Variants in CPVL observed in about 807,000 individuals in gnomAD.
CPVL encodes carboxypeptidase vitellogenic like.
A neutral mutation model predicts 63.7 loss-of-function variants in CPVL; 51 were observed. The ratio of observed to expected loss-of-function variants is 0.80; its 90% confidence interval spans 0.64 to 1.01. The LOEUF is 1.01. Ranked by LOEUF, CPVL falls within the 50% of genes least tolerant of loss-of-function variation. The pLI, the probability that CPVL is intolerant of heterozygous loss-of-function variation, is 0.00. For synonymous variants in CPVL, 195 were observed against 206.0 expected, an observed-to-expected ratio of 0.95 and a Z score of 0.46; for missense variants, 530 against 573.1, an observed-to-expected ratio of 0.92 and a Z score of 0.77.
intron 12 of CPVL, among the ~76,000 whole-genome samples, chr7:29,030,252 C>G (rs1448290739): frequency 6.6e-6 from 1 of 152,128 alleles, no homozygotes; most frequent in Non-Finnish European, 1.5e-5. Context: ...GTTGAAACTT[C>G]CTTTATAATT....
In CPVL at chr7:29,108,259, T is replaced by C. The variant is rs1584284221; in HGVS notation, c.288+4445A>G. On this transcript the variant is annotated intron_variant, in intron 3 of 12. Coordinates refer to ENST00000265394, the MANE Select transcript of CPVL (RefSeq NM_031311.5). The stretch of plus-strand genomic sequence containing the variant: ...CTAAATGCCCCAGGTTTTGGCTCCA[T>C]GGCATTTGAGGTAACTGATCTGCAG... 5.9e-5 allele frequency among the ~76,000 whole-genome samples: 9 copies of C among 152,366 alleles called. No homozygotes were observed. In the South Asian group the frequency reaches 1.7e-3, roughly 28 times the overall value.
intron 5 of CPVL, among the ~76,000 whole-genome samples, chr7:29,160,743 A>G (rs1451909237): frequency 6.6e-6 from 1 of 152,196 alleles, no homozygotes; most frequent in East Asian, 1.9e-4. Context: ...TGAGGCAGAG[A>G]GGAAGGGCTA....
intron 7 of CPVL, chr7:29,081,266 T>C (rs1253800802): frequency 1.3e-5 from 2 of 152,268 alleles, no homozygotes; most frequent in Non-Finnish European, 2.9e-5. Flanking sequence ...TAAACACAGC[T>C]TATTTCTCTT....
chr7:29,082,365 T>C lies in CPVL; in HGVS notation c.609+4119A>G, dbSNP rs191954337. Reference sequence around the variant, plus strand: ...GGGAGGCTGAAAGACTTTTCTGAAATCATCCAGGGAGGAGCAAAGCCAGCC... The same window carrying C: ...GGGAGGCTGAAAGACTTTTCTGAAACCATCCAGGGAGGAGCAAAGCCAGCC... On this transcript the variant is annotated intron_variant, in intron 7 of 12. Coordinates refer to ENST00000265394, the MANE Select transcript of CPVL (RefSeq NM_031311.5). The C allele has an allele frequency of 4.6e-5, 7 of 152,308 alleles. No individual in the cohort carries two copies. In the East Asian group the frequency reaches 1.4e-3, roughly 29 times the overall value. The allele number at this position is 152,308 out of a possible 1,614,324, so 9.4% of individuals were successfully genotyped here.
intron 5 of CPVL, among the ~76,000 whole-genome samples, chr7:29,164,059 G>A (rs190854009): frequency 1.3e-5 from 2 of 152,320 alleles, no homozygotes; most frequent in African/African-American, 4.8e-5. Flanking sequence ...AGTAGAGAAT[G>A]TTTAACTTTT....
intron 2 of CPVL, among the ~76,000 whole-genome samples, chr7:29,117,534 A>G (rs1788895362): frequency 6.6e-6 from 1 of 152,162 alleles, no homozygotes; most frequent in Non-Finnish European, 1.5e-5. Context: ...GGTTCATATC[A>G]TGGGCTCTGG....
At chr7:29,002,122 C>T (rs1052904017) in intron 12 of CPVL, among the ~76,000 whole-genome samples, 3 of 152,042 alleles carry the variant, frequency 2.0e-5, no homozygotes, top group African/African-American at 4.8e-5. Context: ...AAGTCAAAAG[C>T]GGCAGATAAG....
intron 1 of CPVL, chr7:29,126,812 G>A (rs1174544035): frequency 1.3e-5 from 2 of 152,248 alleles, no homozygotes; most frequent in Non-Finnish European, 2.9e-5. Flanking sequence ...GCCAAGGCGG[G>A]AGGATCCCTT....
chr7:29,107,602 A>C (rs1787852998), intron 3 of CPVL, among the ~76,000 whole-genome samples: 2 of 152,204 alleles, frequency 1.3e-5, no homozygotes, highest in South Asian at 4.1e-4. Flanking sequence ...CAGCCCATTG[A>C]CTGGCTGCAC....
At chr7:29,079,268 G>C (rs904475657) in intron 7 of CPVL, among the ~76,000 whole-genome samples, 1 of 152,208 alleles carries the variant, frequency 6.6e-6, no homozygotes, top group Non-Finnish European at 1.5e-5. Context: ...GCAGGTCCTA[G>C]AGACAGTGCA....
At chr7:29,100,061 G>C (rs187052443) in intron 3 of CPVL, among the ~76,000 whole-genome samples, 2 of 152,302 alleles carry the variant, frequency 1.3e-5, no homozygotes, top group Admixed American at 1.3e-4. Flanking sequence ...CCACTCACCA[G>C]TACTGCCTTC....
At chr7:29,017,561 A>G (rs1786537974) in intron 12 of CPVL, among the ~76,000 whole-genome samples, 2 of 152,196 alleles carry the variant, frequency 1.3e-5, no homozygotes, top group Non-Finnish European at 2.9e-5. Flanking sequence ...TGCACCTGGG[A>G]GGTGGAGGTT....
chr7:29,054,693 T>C (rs1790529969), intron 11 of CPVL, among the ~76,000 whole-genome samples: 1 of 152,246 alleles, frequency 6.6e-6, no homozygotes, highest in Non-Finnish European at 1.5e-5. Context: ...CCACTGTTTC[T>C]TAAAAATGGC....
intron 5 of CPVL, among the ~76,000 whole-genome samples, chr7:29,160,265 T>C (rs192001502): frequency 2.0e-5 from 3 of 152,332 alleles, no homozygotes; most frequent in Admixed American, 2.0e-4. Flanking sequence ...GTGACAGACA[T>C]GAGCAGTACA....
At position 29,092,635 on chromosome 7, in the gene CPVL, C is replaced by G. The variant is rs757263841; in HGVS notation, c.530G>C (p.Arg177Pro). The G allele has an allele frequency of 2.5e-6, 4 of 1,612,890 alleles. No individual in the cohort carries two copies. The Admixed American group carries it at 5.0e-5, about 20-fold the overall frequency. Residue 177 changes from arginine (R) to proline (P), a missense_variant, in exon 6 of 13, where the codon CGG (arginine) becomes CCG (proline). Arg to Pro is a moderately radical substitution (Grantham distance 103). Coordinates refer to ENST00000265394, the MANE Select transcript of CPVL (RefSeq NM_031311.5). ...GYAVNEDDVA[R>P]DLYSALIQFF... ...AGGAGCATTTTACCTGTATAAATCC[C>G]GTGCTACATCGTCCTCATTGACTGC...
chr7:29,173,797 C>A (rs59148785), intron 5 of CPVL, among the ~76,000 whole-genome samples: 1 of 150,136 alleles, frequency 6.7e-6, no homozygotes, highest in African/African-American at 2.4e-5. Context: ...AAAAATTAGT[C>A]GAGTGTGGTG....
intron 6 of CPVL, 93 bp downstream of exon 6, chr7:29,092,530 G>A (rs1016279408): frequency 2.1e-5 from 17 of 824,700 alleles, no homozygotes; most frequent in Admixed American, 1.2e-4. Flanking sequence ...ATAAGGCTCA[G>A]TCAATAAAAA....
intron 12 of CPVL, among the ~76,000 whole-genome samples, chr7:29,020,275 T>C (rs2214973): frequency 0.84 from 127,731 of 152,140 alleles, 54,337 homozygotes; most frequent in African/African-American, 0.96. Flanking sequence ...GTGAGATGTT[T>C]ATCACAAAGT....
At chr7:29,098,742 T>TA (rs1786721095) in intron 3 of CPVL, among the ~76,000 whole-genome samples, 1 of 151,334 alleles carries the variant, frequency 6.6e-6, no homozygotes, top group Admixed American at 6.6e-5. Context: ...CTAAGCTCTC[T>TA]GGATCTCAGT....
Sources: gnomAD v4.1 joint callset for allele counts (sites outside exome capture counted in the v4.1 genomes callset) on GRCh38, gnomAD v4.1.1 for gene constraint, MANE v1.5 for transcripts, NCBI Gene and HGNC (gene_info 2026-07-23, HGNC 2026-07-21) for gene names.